The following CDKAL1 variants were observed in gnomAD, a reference collection of about 807,000 sequenced individuals.
The protein encoded by CDKAL1 is CDKAL1 threonylcarbamoyladenosine tRNA methylthiotransferase, also known as threonylcarbamoyladenosine tRNA methylthiotransferase.
CDKAL1 carries 32 observed loss-of-function variants against 68.2 expected under a neutral mutation model. The ratio of observed to expected loss-of-function variants is 0.47; its 90% CI spans 0.35 to 0.63. The LOEUF (loss-of-function observed/expected upper bound fraction) is 0.63. Among genes scored for constraint, CDKAL1 ranks in the 30% least tolerant of loss-of-function variants. The pLI is 0.00. For missense variants in CDKAL1, 606 were observed against 696.7 expected (o/e 0.87, Z 1.47); for synonymous variants, 234 against 244.3 (o/e 0.96, Z 0.39).
At chr6:20,753,307 A>G (rs143422536) in intron 6 of CDKAL1, among the ~76,000 whole-genome samples, 8 of 149,612 alleles carry the variant, frequency 5.3e-5, no homozygotes, top group African/African-American at 2.0e-4. Context: ...ACCATACTTC[A>G]TTCCCTTTTA....
At chr6:20,628,824 T>C (rs1038448459) in intron 4 of CDKAL1, among the ~76,000 whole-genome samples, 1 of 152,158 alleles carries the variant, frequency 6.6e-6, no homozygotes, top group Non-Finnish European at 1.5e-5. Flanking sequence ...AAGAAAAAAT[T>C]ACAGAAATGT....
intron 9 of CDKAL1, among the ~76,000 whole-genome samples, chr6:20,855,893 C>T (rs902492955): frequency 1.4e-4 from 21 of 152,070 alleles, no homozygotes; most frequent in African/African-American, 4.8e-4. Context: ...AATAGCCTGC[C>T]CATTTTCCAC....
At chr6:21,043,280 C>G (rs138933755) in intron 11 of CDKAL1, among the ~76,000 whole-genome samples, 139 of 152,228 alleles carry the variant, frequency 9.1e-4, no homozygotes, top group Middle Eastern at 6.8e-3. Flanking sequence ...GAATTTTCCT[C>G]AGGACCGAAG....
chr6:20,849,303 A>G (rs9460566), intron 9 of CDKAL1, among the ~76,000 whole-genome samples: 145,867 of 152,178 alleles, frequency 0.96, 69,919 homozygotes, highest in East Asian at 1. Flanking sequence ...TGAAGAAGAG[A>G]CCAGGTGCCG....
chr6:20,592,460 G>A (rs1300718870), intron 4 of CDKAL1, among the ~76,000 whole-genome samples: 1 of 145,838 alleles, frequency 6.9e-6, no homozygotes, highest in Non-Finnish European at 1.5e-5. Context: ...CAAAGGGAAT[G>A]CTTCCAGCTT....
intron 5 of CDKAL1, among the ~76,000 whole-genome samples, chr6:20,710,766 G>C (rs1301914543): frequency 1.3e-5 from 2 of 152,168 alleles, no homozygotes; most frequent in Non-Finnish European, 1.5e-5. Context: ...AGAAGTTTTT[G>C]ATTTACTTGA....
At chr6:20,555,431 C>T (rs1314391938) in intron 4 of CDKAL1, among the ~76,000 whole-genome samples, 3 of 151,950 alleles carry the variant, frequency 2.0e-5, no homozygotes, top group Admixed American at 2.0e-4. Context: ...AGCAATTCTC[C>T]TGCCTCAGCC....
intron 13 of CDKAL1, among the ~76,000 whole-genome samples, chr6:21,169,350 C>G (rs144629726): frequency 2.8e-4 from 43 of 152,278 alleles, no homozygotes; most frequent in African/African-American, 9.9e-4. Context: ...GTCATCAGAT[C>G]TCTGGCTGAC....
intron 15 of CDKAL1, among the ~76,000 whole-genome samples, chr6:21,208,386 C>T (rs1562118723): frequency 1.3e-5 from 2 of 152,204 alleles, no homozygotes; most frequent in East Asian, 3.9e-4. Flanking sequence ...ATTTCCAGAA[C>T]CAGTGAAGTG....
intron 8 of CDKAL1, among the ~76,000 whole-genome samples, chr6:20,791,483 G>C (rs989381501): frequency 1.3e-5 from 2 of 152,062 alleles, no homozygotes; most frequent in African/African-American, 4.8e-5. Flanking sequence ...TTCTGCTTCT[G>C]GGTCTGTACT....
At chr6:21,025,265 A>C (rs181249032) in intron 11 of CDKAL1, among the ~76,000 whole-genome samples, 1 of 152,282 alleles carries the variant, frequency 6.6e-6, no homozygotes, top group Non-Finnish European at 1.5e-5. Context: ...GGGCTAAGAT[A>C]ATCTTTCATC....
intron 7 of CDKAL1, among the ~76,000 whole-genome samples, chr6:20,780,285 C>T (rs533608975): frequency 1.3e-5 from 2 of 151,812 alleles, no homozygotes; most frequent in Non-Finnish European, 2.9e-5. Context: ...GTTTTAATGG[C>T]TCTTAATAGT....
intron 12 of CDKAL1, among the ~76,000 whole-genome samples, chr6:21,092,764 C>T (rs1773110340): frequency 6.7e-6 from 1 of 149,356 alleles, no homozygotes; most frequent in Non-Finnish European, 1.5e-5. Context: ...TACTGATATT[C>T]TCAGATAAAT....
At chr6:20,696,602 A>G (rs1771118217) in intron 5 of CDKAL1, among the ~76,000 whole-genome samples, 1 of 152,226 alleles carries the variant, frequency 6.6e-6, no homozygotes, top group African/African-American at 2.4e-5. Context: ...TGTATTTTTA[A>G]TAGCTTTTAA....
chr6:21,231,109 C>T lies in CDKAL1; in HGVS notation c.*70C>T, dbSNP rs947956473. 4.0e-5 allele frequency: 50 copies of T among 1,245,592 alleles called. No individual in the cohort carries two copies. The East Asian group carries it at 8.8e-4, about 22-fold the overall frequency. The allele number at this position is 1,245,592 out of a possible 1,614,324, so 77.2% of individuals were successfully genotyped here. On this transcript the variant is annotated 3_prime_UTR_variant, in exon 16 of 16. Coordinates refer to ENST00000274695, the MANE Select transcript of CDKAL1 (RefSeq NM_017774.3). ...TTAAAATCTTCAATGAACAGGAAAG[C>T]GACATCTCCATTCTCCAAGGGCAAT...
intron 4 of CDKAL1, among the ~76,000 whole-genome samples, chr6:20,631,362 A>G (rs1767667213): frequency 6.6e-6 from 1 of 152,042 alleles, no homozygotes; most frequent in African/African-American, 2.4e-5. Context: ...AGGGATCTCA[A>G]AGTGAACATG....
chr6:21,028,842 A>C (rs922507091), intron 11 of CDKAL1, among the ~76,000 whole-genome samples: 1 of 152,184 alleles, frequency 6.6e-6, no homozygotes, highest in Admixed American at 6.6e-5. Context: ...TTCAATTGGT[A>C]CTTCAAATTC....
intron 9 of CDKAL1, among the ~76,000 whole-genome samples, chr6:20,947,141 C>T (rs918462781): frequency 3.3e-5 from 5 of 152,118 alleles, no homozygotes; most frequent in African/African-American, 9.7e-5. Flanking sequence ...TGTATGAGGA[C>T]ACCTAAACTA....
rs557983630 is a variant in CDKAL1, at chr6:20,983,259, T to C, written c.910-16968T>C. Reference sequence around the variant, plus strand: ...AAGATCCCATTAATTTATTATTTAATTTTAAGTAATGTAATAAGAGCTAGT... The same window carrying C: ...AAGATCCCATTAATTTATTATTTAACTTTAAGTAATGTAATAAGAGCTAGT... On this transcript the variant is annotated intron_variant, in intron 10 of 15. Transcript: ENST00000274695. Among the ~76,000 whole-genome samples, 126 of 152,348 alleles carry C rather than the reference T, an allele frequency of 8.3e-4. 1 individual carries two copies. In the Middle Eastern group the frequency reaches 0.01, roughly 12 times the overall value.
Sources: allele counts gnomAD v4.1 joint callset (sites outside exome capture counted in the v4.1 genomes callset), GRCh38; gene constraint gnomAD v4.1.1; transcripts MANE v1.5; gene names NCBI Gene and HGNC (gene_info 2026-07-23, HGNC 2026-07-21).